Variants in RNF130 observed in about 807,000 individuals in gnomAD.
RNF130 encodes the protein ring finger protein 130, also known as E3 ubiquitin-protein ligase RNF130.
A neutral mutation model predicts 44.6 loss-of-function variants in RNF130; 21 were observed. The observed-to-expected ratio is 0.47, with a 90% CI of 0.33 to 0.68. RNF130 has a LOEUF of 0.68. RNF130 is among the 30% of genes least tolerant of loss of function. The pLI is 0.02. For synonymous variants in RNF130, 214 were observed against 210.4 expected, an observed-to-expected ratio of 1.02 and a Z score of -0.15; for missense variants, 479 against 560.6, an observed-to-expected ratio of 0.85 and a Z score of 1.47.
chr5:179,970,371 A>G (rs1372280373), intron 6 of RNF130, 39 bp downstream of exon 6: 16 of 1,448,222 alleles, frequency 1.1e-5, no homozygotes, highest in African/African-American at 1.4e-5. Flanking sequence ...TACATATAAT[A>G]ATATACAAAA....
intron 2 of RNF130, among the ~76,000 whole-genome samples, chr5:180,024,666 A>C (rs1763948292): frequency 6.6e-6 from 1 of 152,236 alleles, no homozygotes; most frequent in African/African-American, 2.4e-5. Flanking sequence ...GTGCTGCATG[A>C]AATGATTTAA....
At position 179,948,486 on chromosome 5, in the gene RNF130, A is replaced by G. The variant is rs954097270; in HGVS notation, c.1150+18320T>C. Among the ~76,000 whole-genome samples, 5 of 152,278 alleles carry G rather than the reference A, an allele frequency of 3.3e-5. No homozygotes were observed. In the East Asian group the frequency reaches 9.6e-4, roughly 29 times the overall value. On this transcript the variant is annotated intron_variant, in intron 7 of 7. Transcript: ENST00000522208. ...GGAGTTTGAGACAAGCCTAGCCAAC[A>G]TGGTGAAACCCCCATCTCTACTAAA...
intron 5 of RNF130, chr5:179,976,684 C>T (rs1762721911): frequency 6.7e-6 from 1 of 149,972 alleles, no homozygotes; most frequent in Non-Finnish European, 1.5e-5. Flanking sequence ...AATTCTTCTT[C>T]AGTTTGATTT....
intron 7 of RNF130, among the ~76,000 whole-genome samples, chr5:179,931,919 C>G (rs1269910447): frequency 6.6e-6 from 1 of 152,196 alleles, no homozygotes; most frequent in East Asian, 1.9e-4. Context: ...TATCCCAGAT[C>G]TGCTATCCCC....
chr5:180,000,386 A>G (rs747441816), intron 3 of RNF130, among the ~76,000 whole-genome samples: 3 of 152,012 alleles, frequency 2.0e-5, no homozygotes, highest in African/African-American at 7.3e-5. Context: ...ATGTTTTCAG[A>G]TTTACTCTTA....
At chr5:179,943,565 C>T (rs75689110) in intron 7 of RNF130, among the ~76,000 whole-genome samples, 1,926 of 152,214 alleles carry the variant, frequency 0.013, 46 homozygotes, top group African/African-American at 0.045. Context: ...GAGGAAAAGG[C>T]GTAACATGTA....
At chr5:179,928,776 C>G (rs1197696696) in intron 7 of RNF130, among the ~76,000 whole-genome samples, 1 of 151,928 alleles carries the variant, frequency 6.6e-6, no homozygotes, top group Non-Finnish European at 1.5e-5. Context: ...CTACAGGCGC[C>G]CACCACCACG....
intron 8 of RNF130, among the ~76,000 whole-genome samples, chr5:179,958,634 G>T (rs1762260544): frequency 6.6e-6 from 1 of 152,172 alleles, no homozygotes; most frequent in African/African-American, 2.4e-5. Context: ...AGGCTCGCTA[G>T]CTTTCAAAGT....
chr5:179,930,677 A>T (rs2113675715), intron 7 of RNF130, among the ~76,000 whole-genome samples: 1 of 152,342 alleles, frequency 6.6e-6, no homozygotes, highest in Admixed American at 6.5e-5. Flanking sequence ...TAGTTTTGAA[A>T]ATATCCATTA....
At chr5:180,039,270 T>C (rs1334238506) in intron 2 of RNF130, among the ~76,000 whole-genome samples, 1 of 152,042 alleles carries the variant, frequency 6.6e-6, no homozygotes, top group Admixed American at 6.6e-5. Context: ...GATGGAGTCT[T>C]GCTCTGTCAC....
chr5:180,058,674 G>T (rs1048123037), intron 1 of RNF130, among the ~76,000 whole-genome samples: 2 of 152,062 alleles, frequency 1.3e-5, no homozygotes, highest in Admixed American at 1.3e-4. Flanking sequence ...TCCTGCCTCA[G>T]CCTCCTGAGT....
At chr5:179,937,143 TATC>T (rs144393566) in intron 7 of RNF130, among the ~76,000 whole-genome samples, 24 of 152,248 alleles carry the variant, frequency 1.6e-4, no homozygotes, top group Non-Finnish European at 3.4e-4. Context: ...CAAAACGAAA[TATC>T]ATCAAAACGA....
intron 3 of RNF130, among the ~76,000 whole-genome samples, chr5:179,987,672 T>C (rs1762986288): frequency 6.6e-6 from 1 of 152,234 alleles, no homozygotes; most frequent in Admixed American, 6.5e-5. Flanking sequence ...TATACCTAAT[T>C]TGCAAAGAGT....
intron 8 of RNF130, among the ~76,000 whole-genome samples, chr5:179,962,737 C>T (rs1762362824): frequency 6.6e-6 from 1 of 152,174 alleles, no homozygotes; most frequent in Non-Finnish European, 1.5e-5. Context: ...GCCCAATCCT[C>T]CATCCTCTCA....
intron 3 of RNF130, among the ~76,000 whole-genome samples, chr5:179,987,807 G>A (rs1235635870): frequency 6.6e-6 from 1 of 152,074 alleles, no homozygotes; most frequent in Non-Finnish European, 1.5e-5. Flanking sequence ...TTCTATCCCC[G>A]GGACAAATCC....
intron 6 of RNF130, among the ~76,000 whole-genome samples, chr5:179,968,668 A>T (rs763892600): frequency 2.9e-4 from 30 of 104,998 alleles, no homozygotes; most frequent in East Asian, 2.4e-3. Flanking sequence ...TCTGTCTCAT[A>T]AAAAAAAAAA....
chr5:179,936,844 C>T (rs1478214616), intron 7 of RNF130, among the ~76,000 whole-genome samples: 1 of 152,126 alleles, frequency 6.6e-6, no homozygotes, highest in Non-Finnish European at 1.5e-5. Flanking sequence ...GTTCCAAGAC[C>T]ACTCAGTGGG....
intron 7 of RNF130, among the ~76,000 whole-genome samples, chr5:179,921,289 C>T (rs549781756): frequency 1.3e-5 from 2 of 152,276 alleles, no homozygotes; most frequent in Admixed American, 6.5e-5. Flanking sequence ...CTACCCTACT[C>T]CTATTGCCAG....
chr5:180,017,064 C>A (rs1763755808), intron 2 of RNF130, among the ~76,000 whole-genome samples: 1 of 152,198 alleles, frequency 6.6e-6, no homozygotes, highest in South Asian at 2.1e-4. Flanking sequence ...CTGTCGGCAT[C>A]ATGCTTAGCT....
Sources: gnomAD v4.1 joint callset for allele counts (sites outside exome capture counted in the v4.1 genomes callset) on GRCh38, gnomAD v4.1.1 for gene constraint, MANE v1.5 for transcripts, NCBI Gene and HGNC (gene_info 2026-07-23, HGNC 2026-07-21) for gene names.